Variants in HEATR5A observed in about 807,000 individuals in gnomAD.
HEATR5A encodes HEAT repeat-containing protein 5A.
HEATR5A carries 178 observed loss-of-function variants against 218.8 expected under a neutral mutation model. The observed-to-expected ratio is 0.81, with a 90% confidence interval of 0.72 to 0.92. The LOEUF (loss-of-function observed/expected upper bound fraction) is 0.92. HEATR5A is among the 40% of genes least tolerant of loss of function. HEATR5A has a pLI of 0.00. For missense variants in HEATR5A, 2,420 were observed against 2,418.9 expected (o/e 1.00, Z -0.01); for synonymous variants, 864 against 871.6 (o/e 0.99, Z 0.15).
intron 6 of HEATR5A, among the ~76,000 whole-genome samples, chr14:31,390,604 A>G (rs1349901987): frequency 1.3e-5 from 2 of 152,222 alleles, no homozygotes; most frequent in Non-Finnish European, 2.9e-5. Context: ...AATGACAGAG[A>G]TCACATATAT....
intron 13 of HEATR5A, among the ~76,000 whole-genome samples, chr14:31,371,332 T>C (rs1483296044): frequency 6.6e-6 from 1 of 152,202 alleles, no homozygotes; most frequent in Non-Finnish European, 1.5e-5. Flanking sequence ...ATATATAAAG[T>C]GTTAATCATT....
chr14:31,379,796 A>C (rs1415388679), intron 11 of HEATR5A, among the ~76,000 whole-genome samples: 3 of 152,106 alleles, frequency 2.0e-5, no homozygotes, highest in African/African-American at 7.2e-5. Context: ...TCTACAAAAA[A>C]AATTTTTTTA....
In HEATR5A at chr14:31,364,186, T is replaced by C; in HGVS notation, c.2071+3A>G. The C allele has an allele frequency of 1.4e-6, 2 of 1,405,978 alleles. No individual in the cohort carries two copies. Among genetic ancestry groups the C allele is most frequent in the Non-Finnish European group, 1.9e-6 (2 of 1,026,838 alleles). 87.1% of individuals were successfully genotyped at this position (1,405,978 alleles called of 1,614,324 possible). On this transcript the variant is annotated splice_donor_region_variant and intron_variant, in intron 14 of 35. Transcript: ENST00000543095. ...AAAAAACATTTTGGTCTAAGGCACA[T>C]ACCTTCATAGGTCTCAGGAGGTAAT...
In HEATR5A at chr14:31,334,403, A is replaced by C. The variant is rs1474420636; in HGVS notation, c.3367+3073T>G. On this transcript the variant is annotated intron_variant, in intron 22 of 35. Transcript: ENST00000543095. ...TGAAAACCTTCTGGAAAGGATTATC[A>C]TTCTAGATGGTTTCTGCAGATGGAA... is the stretch of plus-strand genomic sequence containing the variant. 4.4e-6 allele frequency: 2 copies of C among 456,118 alleles called. 1 individual carries two copies. Among genetic ancestry groups the C allele is most frequent in the Admixed American group, 4.7e-5 (2 of 42,572 alleles). 28.3% of individuals were successfully genotyped at this position (456,118 alleles called of 1,614,324 possible).
At chr14:31,400,831 T>C (rs2030845835) in intron 2 of HEATR5A, among the ~76,000 whole-genome samples, 1 of 122,046 alleles carries the variant, frequency 8.2e-6, no homozygotes, top group Non-Finnish European at 1.6e-5. Flanking sequence ...AAATTTGTAT[T>C]ATTATTATTA....
At chr14:31,417,342 G>C (rs1402074307) in intron 1 of HEATR5A, among the ~76,000 whole-genome samples, 1 of 151,964 alleles carries the variant, frequency 6.6e-6, no homozygotes, top group Non-Finnish European at 1.5e-5. Flanking sequence ...CGCGGATCAC[G>C]AGGTCAGAAG....
chr14:31,413,740 A>G (rs555019010), intron 1 of HEATR5A, among the ~76,000 whole-genome samples: 1 of 152,364 alleles, frequency 6.6e-6, no homozygotes, highest in South Asian at 2.1e-4. Flanking sequence ...ACATAGAAAG[A>G]TAATGAGCTA....
intron 12 of HEATR5A, among the ~76,000 whole-genome samples, chr14:31,374,593 A>G (rs766563214): frequency 1.3e-5 from 2 of 152,180 alleles, no homozygotes; most frequent in Non-Finnish European, 2.9e-5. Flanking sequence ...ATTGGACCTA[A>G]TAAAACATGT....
At chr14:31,391,524 A>C (rs1219308037) in intron 6 of HEATR5A, among the ~76,000 whole-genome samples, 3 of 150,682 alleles carry the variant, frequency 2.0e-5, no homozygotes, top group African/African-American at 7.5e-5. Context: ...TTAGTAAACA[A>C]AGGCTAATTT....
At position 31,364,340 on chromosome 14, in the gene HEATR5A, T is replaced by C. The variant is rs1172930837; in HGVS notation, c.1962-42A>G. On this transcript the variant is annotated intron_variant, in intron 13 of 35. Coordinates refer to ENST00000543095, the MANE Select transcript of HEATR5A (RefSeq NM_015473.4). ...AAGTGTATCTTAAGTGGTTAAGTTA[T>C]ATAACAATATACAAAAATTGACAGC... is the stretch of plus-strand genomic sequence containing the variant. The C allele has an allele frequency of 4.2e-6, 4 of 950,012 alleles. No individual in the cohort carries two copies. The Admixed American group carries it at 1.1e-4, about 26-fold the overall frequency. The allele number at this position is 950,012 out of a possible 1,614,324, so 58.8% of individuals were successfully genotyped here.
intron 25 of HEATR5A, chr14:31,320,467 G>A: frequency 7.3e-7 from 1 of 1,363,502 alleles, no homozygotes; most frequent in Non-Finnish European, 1.0e-6. Flanking sequence ...AGACAACACT[G>A]GTCTGGAACT....
intron 22 of HEATR5A, among the ~76,000 whole-genome samples, chr14:31,328,237 C>T (rs1308942762): frequency 1.3e-5 from 2 of 152,088 alleles, no homozygotes; most frequent in African/African-American, 4.8e-5. Flanking sequence ...AGGAGTTAGC[C>T]ACTGTGCCTG....
chr14:31,293,858 G>T, intron 35 of HEATR5A, 33 bp downstream of exon 35: 1 of 1,512,922 alleles, frequency 6.6e-7, no homozygotes, highest in Non-Finnish European at 9.0e-7. Flanking sequence ...GATTTTTGTT[G>T]AGACTGAGTA....
At chr14:31,300,561 C>T (rs971375497) in intron 33 of HEATR5A, among the ~76,000 whole-genome samples, 14 of 152,010 alleles carry the variant, frequency 9.2e-5, no homozygotes, top group African/African-American at 3.4e-4. Flanking sequence ...GGGTCAGCTC[C>T]TTCCGGATCA....
chr14:31,350,581 C>A, intron 17 of HEATR5A, 31 bp downstream of exon 17: 1 of 1,235,444 alleles, frequency 8.1e-7, no homozygotes. Context: ...AAAAATGAAG[C>A]CAACATTTAA....
chr14:31,372,075 C>T (rs1025084695), intron 12 of HEATR5A, among the ~76,000 whole-genome samples, 166 bp from the exon 13 acceptor site: 2 of 151,994 alleles, frequency 1.3e-5, no homozygotes, highest in African/African-American at 4.8e-5. Context: ...GCTTTCTACT[C>T]CTAATCATAC....
chr14:31,316,056 G>A, intron 26 of HEATR5A, 107 bp from the exon 27 acceptor site: 1 of 821,114 alleles, frequency 1.2e-6, no homozygotes, highest in East Asian at 2.7e-5. Flanking sequence ...GGTGACGCAG[G>A]CAGATCGCTT....
chr14:31,362,789 CAA>C (rs1304502060), intron 14 of HEATR5A, among the ~76,000 whole-genome samples: 4 of 139,944 alleles, frequency 2.9e-5, no homozygotes, highest in African/African-American at 1.0e-4. Flanking sequence ...AAAAAAAAAA[CAA>C]AAAAAAGACT....
At chr14:31,325,483 CATATGTAT>C (rs1448915706) in intron 23 of HEATR5A, among the ~76,000 whole-genome samples, 18 of 148,704 alleles carry the variant, frequency 1.2e-4, no homozygotes, top group African/African-American at 4.5e-4. Flanking sequence ...TATGTATGAA[CATATGTAT>C]GTATGTATGT....
Sources: allele counts gnomAD v4.1 joint callset (sites outside exome capture counted in the v4.1 genomes callset), GRCh38; gene constraint gnomAD v4.1.1; transcripts MANE v1.5; gene names NCBI Gene and HGNC (gene_info 2026-07-23, HGNC 2026-07-21).